The following VPS35 variants were observed in gnomAD, a reference collection of about 807,000 sequenced individuals.
VPS35 encodes VPS35 retromer complex component, also known as vacuolar protein sorting-associated protein 35.
A neutral mutation model predicts 98.1 loss-of-function variants in VPS35; 21 were observed. The ratio of observed to expected loss-of-function variants is 0.21; its 90% CI spans 0.15 to 0.31. The LOEUF (loss-of-function observed/expected upper bound fraction) is 0.31. Among genes scored for constraint, VPS35 ranks in the 10% least tolerant of loss-of-function variants. The pLI is 1.00. For synonymous variants in VPS35, 268 were observed against 318.2 expected (o/e 0.84, Z 1.68); for missense variants, 554 against 950.8 (o/e 0.58, Z 5.49).
At position 46,680,725 on chromosome 16, in the gene VPS35, T is replaced by C. The variant is rs1208923463; in HGVS notation, c.452A>G (p.Asn151Ser). The change falls in exon 5 of 17, where the codon AAT becomes AGT. Residue 151 changes from asparagine (N) to serine (S), a missense_variant. Asn to Ser is a conservative substitution (Grantham distance 46). Coordinates refer to ENST00000299138, the MANE Select transcript of VPS35 (RefSeq NM_018206.6). ...QHPLRGLFLR[N>S]YLLQCTRNIL... The stretch of plus-strand genomic sequence containing the variant: ...ATTTCTGGTACACTGAAGAAGGTAA[T>C]TTCGAAGAAACAGACCCCTCAAGGG... The C allele has an allele frequency of 6.2e-7, 1 of 1,613,896 alleles. No individual in the cohort carries two copies. The highest frequency in any genetic ancestry group is 8.5e-7 in the Non-Finnish European group (1 of 1,179,962).
In VPS35 at chr16:46,681,381, T is replaced by G; in HGVS notation, c.319A>C (p.Arg107=). 6.2e-7 allele frequency: 1 copy of G among 1,613,652 alleles called. No individual in the cohort carries two copies. The highest frequency in any genetic ancestry group is 1.1e-5 in the South Asian group (1 of 91,076). Residue 107 remains arginine, a synonymous_variant, in exon 4 of 17, where the codon AGG becomes CGG. Transcript: ENST00000299138. ...CTCTGATTTGTAATTACTTACAGCC[T>G]TGGGATAATGTTTCCAGCATACTGT... The part of the protein sequence containing the change: ...LVQYAGNIIP[R]LYLLITVGVV...
At chr16:46,682,051 T>C (rs751536536) in intron 3 of VPS35, 28 bp downstream of exon 3, 1 of 1,558,482 alleles carries the variant, frequency 6.4e-7, no homozygotes, top group South Asian at 1.1e-5. Flanking sequence ...ATGGTCCAAA[T>C]GTTTAGTCTT....
Position 46,670,667 on chromosome 16 carries a change from A to G in VPS35, c.1524+1038T>C, listed in dbSNP as rs530400933. Among the ~76,000 whole-genome samples the G allele has an allele frequency of 1.9e-4, 29 of 152,358 alleles. 1 individual carries two copies. The South Asian group carries it at 5.8e-3, about 30-fold the overall frequency. ...GATACAAACAATCTCACACAGAAAC[A>G]TAAGGCAATCAGTTAAAATACTTAA... is the stretch of plus-strand genomic sequence containing the variant. On this transcript the variant is annotated intron_variant, in intron 12 of 16. Coordinates refer to ENST00000299138, the MANE Select transcript of VPS35 (RefSeq NM_018206.6).
rs573521736 is a variant in VPS35 at position 46,685,982 on chromosome 16, A to G, written c.4-2376T>C. ...CATTAGGTACATTCACATTAATACA[A>G]TTACCACCATCTATCTCTAAAACTT... On this transcript the variant is annotated intron_variant, in intron 1 of 16. Transcript: ENST00000299138. 2.0e-5 allele frequency among the ~76,000 whole-genome samples: 3 copies of G among 152,276 alleles called. No individual in the cohort carries two copies. The South Asian group carries it at 6.2e-4, about 32-fold the overall frequency.
intron 11 of VPS35, 146 bp downstream of exon 11, chr16:46,672,119 T>C: frequency 1.3e-6 from 1 of 776,092 alleles, no homozygotes; most frequent in South Asian, 1.7e-5. Flanking sequence ...TTTATACATC[T>C]CCAATTTTTA....
chr16:46,657,107 C>T lies in VPS35; in HGVS notation c.*3365G>A, dbSNP rs368519455. 2 of 152,312 alleles carry T rather than the reference C, an allele frequency of 1.3e-5. No individual in the cohort carries two copies. The highest frequency in any genetic ancestry group is 3.9e-4 in the East Asian group (2 of 5,184). 9.4% of individuals were successfully genotyped at this position (152,312 alleles called of 1,614,324 possible). A position where few individuals can be genotyped will look rare whatever the true frequency, so the allele number is the denominator to read the frequency against. ...TACTGGAGTAATCAGCAATACAAGA[C>T]CACAAGCCAGGAAACATTTGTCTTT... On this transcript the variant is annotated 3_prime_UTR_variant, in exon 17 of 17. Transcript: ENST00000299138.
intron 2 of VPS35, 40 bp downstream of exon 2, chr16:46,683,468 A>T (rs1014732875): frequency 6.3e-6 from 10 of 1,582,380 alleles, no homozygotes; most frequent in African/African-American, 2.7e-5. Flanking sequence ...CCTTAGGAAC[A>T]CACGAACTGC....
rs1009455831 is a variant in VPS35 at position 46,671,858 on chromosome 16, C to T, written c.1371G>A (p.Val457=). 1.9e-5 allele frequency: 31 copies of T among 1,612,242 alleles called. No homozygotes were observed. Among genetic ancestry groups the T allele is most frequent in the Non-Finnish European group, 2.0e-5 (24 of 1,179,932 alleles). The part of the protein sequence containing the change: ...YNTEIVSQDQ[V]DSIMNLVSTL... ...TGGATACCAAATTCATTATGGAATC[C>T]ACCTGTAACATGCGAGGCACAAGAA... Residue 457 remains valine (V), a splice_region_variant and synonymous_variant, in exon 12 of 17, where the codon GTG becomes GTA. Coordinates refer to ENST00000299138, the MANE Select transcript of VPS35 (RefSeq NM_018206.6).
At chr16:46,677,652 C>T in intron 6 of VPS35, 1 of 459,944 alleles carries the variant, frequency 2.2e-6, no homozygotes, top group Non-Finnish European at 4.0e-6. Flanking sequence ...CCTCCCACCT[C>T]AAGCCTCCTG....
intron 10 of VPS35, 142 bp downstream of exon 10, chr16:46,674,172 C>T (rs951725654): frequency 3.3e-6 from 3 of 910,644 alleles, no homozygotes; most frequent in Non-Finnish European, 5.1e-6. Context: ...TACTTTCTGC[C>T]CCTAGTAGTG....
chr16:46,689,162 G>A lies in VPS35; in HGVS notation c.-29C>T, dbSNP rs182309233. ...GACTCCCCAGAGCCTGCAGCAAGCAGCACCCGCCCCGCGCGTAGCCTCCCG... is the reference window on the plus strand; with the variant it reads ...GACTCCCCAGAGCCTGCAGCAAGCAACACCCGCCCCGCGCGTAGCCTCCCG... On this transcript the variant is annotated 5_prime_UTR_variant, in exon 1 of 17. Coordinates refer to ENST00000299138, the MANE Select transcript of VPS35 (RefSeq NM_018206.6). The A allele has an allele frequency of 1.3e-5, 21 of 1,604,948 alleles. 1 individual carries two copies. The highest frequency in any genetic ancestry group is 1.4e-5 in the Non-Finnish European group (17 of 1,176,936).
chr16:46,662,152 C>A, intron 15 of VPS35, 91 bp downstream of exon 15: 4 of 1,606,004 alleles, frequency 2.5e-6, no homozygotes, highest in Non-Finnish European at 3.4e-6. Context: ...TTCCAAGCAC[C>A]CCAAATGTTT....
At chr16:46,674,695 G>C (rs2143007808) in intron 8 of VPS35, 35 bp from the exon 9 acceptor site, 3 of 1,515,538 alleles carry the variant, frequency 2.0e-6, no homozygotes, top group African/African-American at 1.4e-5. Flanking sequence ...TATTTTAAAA[G>C]ATACAGGGTT....
intron 12 of VPS35, among the ~76,000 whole-genome samples, chr16:46,670,566 C>A (rs529202502): frequency 2.0e-5 from 3 of 152,054 alleles, no homozygotes; most frequent in Non-Finnish European, 2.9e-5. Flanking sequence ...ATTATAGATG[C>A]GAGCCACCAT....
At chr16:46,665,739 T>C (rs1357586695) in intron 13 of VPS35, among the ~76,000 whole-genome samples, 1 of 152,248 alleles carries the variant, frequency 6.6e-6, no homozygotes, top group Non-Finnish European at 1.5e-5. Flanking sequence ...TTTTATCTTA[T>C]AACTGAAAGT....
chr16:46,668,797 C>T lies in VPS35; in HGVS notation c.1647+133G>A, dbSNP rs560647010. The T allele has an allele frequency of 8.5e-6, 11 of 1,291,192 alleles. No homozygotes were observed. The African/African-American group carries it at 1.1e-4, about 12-fold the overall frequency. The allele number at this position is 1,291,192 out of a possible 1,614,324, so 80.0% of individuals were successfully genotyped here. On this transcript the variant is annotated intron_variant, in intron 13 of 16. Transcript: ENST00000299138. Reference sequence around the variant, plus strand: ...GGATAAGTAACAAATAGAGAGTTGGCGAAAATGGGATTTTATTATACCACT... The same window carrying T: ...GGATAAGTAACAAATAGAGAGTTGGTGAAAATGGGATTTTATTATACCACT...
intron 13 of VPS35, among the ~76,000 whole-genome samples, chr16:46,663,710 CT>C (rs369420422): frequency 1.1e-3 from 155 of 137,446 alleles, no homozygotes; most frequent in African/African-American, 2.6e-3. Context: ...TTTTTCTTTC[CT>C]TTTTTTTTTT....
rs1214592208 is a variant in VPS35, at chr16:46,657,037, G to A, written c.*3435C>T. The A allele has an allele frequency of 1.3e-5, 2 of 152,184 alleles. No individual in the cohort carries two copies. The highest frequency in any genetic ancestry group is 6.6e-5 in the Admixed American group (1 of 15,260). The allele number at this position is 152,184 out of a possible 1,614,324, so 9.4% of individuals were successfully genotyped here. On this transcript the variant is annotated 3_prime_UTR_variant, in exon 17 of 17. Coordinates refer to ENST00000299138, the MANE Select transcript of VPS35 (RefSeq NM_018206.6). ...ATAAAATATACAGTCCCTCTCCAGA[G>A]ATTTTGGAAGCATGGACCATTTTGT...
rs758632241 is a variant in VPS35 at position 46,662,453 on chromosome 16, G to A, written c.1857C>T (p.Ser619=). ...QAFSLYEDEI[S]DSKAQLAAIT... ...TGGCAGCTAGCTGTGCTTTGGAATCGCTGATTTCATCTTCATACAGAGAAA... is the reference window on the plus strand; with the variant it reads ...TGGCAGCTAGCTGTGCTTTGGAATCACTGATTTCATCTTCATACAGAGAAA... The change falls in exon 15 of 17, where the codon AGC becomes AGT. Residue 619 remains serine (S), a synonymous_variant. Coordinates refer to ENST00000299138, the MANE Select transcript of VPS35 (RefSeq NM_018206.6). 43 of 1,613,946 alleles carry A rather than the reference G, an allele frequency of 2.7e-5. No individual in the cohort carries two copies. Among genetic ancestry groups the A allele is most frequent in the East Asian group, 6.7e-5 (3 of 44,900 alleles).
Sources: gnomAD v4.1 joint callset for allele counts (sites outside exome capture counted in the v4.1 genomes callset) on GRCh38, gnomAD v4.1.1 for gene constraint, MANE v1.5 for transcripts, NCBI Gene and HGNC (gene_info 2026-07-23, HGNC 2026-07-21) for gene names.